Variants in ZFP64 observed in about 807,000 individuals in gnomAD.
ZFP64 encodes ZFP64 zinc finger protein, also known as zinc finger protein 64.
Under a neutral mutation model 51.6 loss-of-function variants are expected in ZFP64, and 14 were observed. The observed-to-expected ratio is 0.27, with a 90% CI of 0.18 to 0.42. The LOEUF (loss-of-function observed/expected upper bound fraction) is 0.42, where lower values mean the gene tolerates loss of function less well. Among genes scored for constraint, ZFP64 ranks in the 10% least tolerant of loss-of-function variants. The probability of loss-of-function intolerance (pLI) is 1.00; values close to 1 mark genes in which losing one functional copy is unlikely to be tolerated. For missense variants in ZFP64, 754 were observed against 906.8 expected (o/e 0.83, Z 2.16); for synonymous variants, 375 against 361.4 (o/e 1.04, Z -0.43).
chr20:52,129,748 A>G (rs906476054), intron 5 of ZFP64, among the ~76,000 whole-genome samples: 13 of 152,004 alleles, frequency 8.6e-5, no homozygotes, highest in Admixed American at 6.5e-4. Context: ...GTGCCTCTGT[A>G]TCCCATTAAA....
intron 2 of ZFP64, among the ~76,000 whole-genome samples, chr20:52,171,651 G>A (rs138513773): frequency 6.6e-6 from 1 of 151,932 alleles, no homozygotes; most frequent in African/African-American, 2.4e-5. Context: ...CACCACACCT[G>A]GCTAATTTTT....
chr20:52,146,807 C>T (rs1980552284), downstream of ZFP64, among the ~76,000 whole-genome samples: 1 of 152,154 alleles, frequency 6.6e-6, no homozygotes, highest in Non-Finnish European at 1.5e-5. Flanking sequence ...GACCAAAATG[C>T]TCTTATGTAG....
intron 3 of ZFP64, chr20:52,165,009 C>A: frequency 1.6e-6 from 1 of 626,246 alleles, no homozygotes; most frequent in Non-Finnish European, 3.0e-6. Flanking sequence ...GCCCTTTTGA[C>A]AAAAATCACT....
chr20:52,127,327 G>A (rs1243672657), intron 5 of ZFP64, among the ~76,000 whole-genome samples: 4 of 151,772 alleles, frequency 2.6e-5, no homozygotes, highest in African/African-American at 9.7e-5. Context: ...TTTAAAGGAA[G>A]TGATATGGTT....
intron 2 of ZFP64, among the ~76,000 whole-genome samples, chr20:52,169,270 A>G (rs938345230): frequency 2.6e-5 from 4 of 152,188 alleles, no homozygotes; most frequent in Non-Finnish European, 4.4e-5. Flanking sequence ...TTGTGCATCA[A>G]ACTCTCAACT....
chr20:52,104,218 C>A (rs2079084687), intron 5 of ZFP64, among the ~76,000 whole-genome samples: 1 of 152,232 alleles, frequency 6.6e-6, no homozygotes, highest in Admixed American at 6.5e-5. Context: ...ATTCCCCAAC[C>A]CCACCCCTGA....
In ZFP64 at chr20:52,142,309, A is replaced by C. The variant is rs145401691; in HGVS notation, c.763+17814T>G. ...CTTGAACTCGGGCGGCGGAGGTTGCAGTGAGCCGAGATTACGCCACTGCAC... is the reference window on the plus strand; with the variant it reads ...CTTGAACTCGGGCGGCGGAGGTTGCCGTGAGCCGAGATTACGCCACTGCAC... On this transcript the variant is annotated intron_variant, in intron 5 of 8. Coordinates refer to the ZFP64 transcript ENST00000361387. 6.8e-3 allele frequency among the ~76,000 whole-genome samples: 1,036 copies of C among 151,288 alleles called. 14 individuals are homozygous for C. The highest frequency in any genetic ancestry group is 0.024 in the African/African-American group (986 of 41,196).
chr20:52,108,879 C>G (rs1978397668), intron 5 of ZFP64, among the ~76,000 whole-genome samples: 3 of 151,598 alleles, frequency 2.0e-5, no homozygotes, highest in African/African-American at 7.3e-5. Context: ...CACACACACA[C>G]ACACACACAC....
chr20:52,189,071 C>A (rs1984184144), intron 1 of ZFP64, among the ~76,000 whole-genome samples: 1 of 152,074 alleles, frequency 6.6e-6, no homozygotes, highest in Non-Finnish European at 1.5e-5. Context: ...CTCTGCCTAC[C>A]ATGAATATTA....
chr20:52,096,882 C>T (rs2078994329), intron 7 of ZFP64: 1 of 351,170 alleles, frequency 2.8e-6, no homozygotes, highest in East Asian at 7.4e-5. Flanking sequence ...GAGCAGGACT[C>T]TGTCTCAGAG....
rs569353530 is a variant in ZFP64 at position 52,094,518 on chromosome 20, T to C, written c.976+2855A>G. On this transcript the variant is annotated intron_variant, in intron 7 of 8. Coordinates refer to the ZFP64 transcript ENST00000361387. ...GCTCACGCCTGTAATCCCAGCACTT[T>C]GGAAGGCCGAGGCAGGAAGATCACT... Among the ~76,000 whole-genome samples the C allele has an allele frequency of 3.9e-5, 6 of 152,334 alleles. No homozygotes were observed. In the South Asian group the frequency reaches 1.2e-3, roughly 32 times the overall value.
chr20:52,169,658 TA>T (rs1982556037), intron 2 of ZFP64, among the ~76,000 whole-genome samples: 5 of 152,270 alleles, frequency 3.3e-5, no homozygotes, highest in African/African-American at 1.2e-4. Context: ...GTATTTTGGA[TA>T]TCAACCCCTT....
Position 52,085,162 on chromosome 20 carries a change from C to T in ZFP64, c.1333G>A (p.Glu445Lys), listed in dbSNP as rs2078851239. The change falls in exon 9 of 9, where the codon GAG becomes AAG. Residue 445 changes from glutamate (E) to lysine (K), a missense_variant. Coordinates refer to the ZFP64 transcript ENST00000361387. The surrounding 1 kb of genome is among the most constrained non-coding windows in gnomAD (Gnocchi z 4.3). ...ATGGTGCAGCGGACGTCGCAGAACT[C>T]GCACTTGAAAGGCTTCTCCCCCGAG... 1.2e-6 allele frequency: 2 copies of T among 1,614,234 alleles called. No individual in the cohort carries two copies. The highest frequency in any genetic ancestry group is 1.7e-5 in the Admixed American group (1 of 60,030).
At chr20:52,105,373 G>A (rs1441663833) in intron 5 of ZFP64, 3 of 1,238,218 alleles carry the variant, frequency 2.4e-6, no homozygotes, top group African/African-American at 1.6e-5. Context: ...CGAGCAGGGC[G>A]ATTTATCAAG....
chr20:52,092,480 A>G (rs2078938723), intron 7 of ZFP64, among the ~76,000 whole-genome samples: 1 of 152,240 alleles, frequency 6.6e-6, no homozygotes, highest in African/African-American at 2.4e-5. Context: ...AGAACTTTAT[A>G]CCCCAATAAA....
intron 5 of ZFP64, among the ~76,000 whole-genome samples, chr20:52,103,047 T>C (rs1003488618): frequency 2.6e-5 from 4 of 151,934 alleles, no homozygotes; most frequent in Non-Finnish European, 5.9e-5. Flanking sequence ...TTCTTTTACG[T>C]TTAGACACCC....
chr20:52,155,275 A>T (rs1218267659), intron 5 of ZFP64, among the ~76,000 whole-genome samples: 1 of 152,200 alleles, frequency 6.6e-6, no homozygotes, highest in East Asian at 1.9e-4. Context: ...ACAACTTTAC[A>T]TGCACTGTTA....
At position 52,170,455 on chromosome 20, in the gene ZFP64, G is replaced by T. The variant is rs557492081; in HGVS notation, c.287-4430C>A. 1.1e-3 allele frequency among the ~76,000 whole-genome samples: 172 copies of T among 149,572 alleles called. 1 individual carries two copies. Among genetic ancestry groups the T allele is most frequent in the Non-Finnish European group, 2.0e-3 (137 of 67,214 alleles). On this transcript the variant is annotated intron_variant, in intron 2 of 5. Coordinates refer to ENST00000216923, the MANE Select transcript of ZFP64 (RefSeq NM_018197.3). Reference sequence around the variant, plus strand: ...TGACAGAGGGAGACTCCATCTCAAGGAAAAAAAAACAAAACCCAACAGCAA... The same window carrying T: ...TGACAGAGGGAGACTCCATCTCAAGTAAAAAAAAACAAAACCCAACAGCAA...
chr20:52,105,346 C>T, intron 5 of ZFP64: 14 of 1,245,700 alleles, frequency 1.1e-5, no homozygotes, highest in Non-Finnish European at 1.4e-5. Context: ...CATGTCCCGG[C>T]AATTCTGCTC....
Sources: gnomAD v4.1 joint callset for allele counts (sites outside exome capture counted in the v4.1 genomes callset) on GRCh38, gnomAD v4.1.1 for gene constraint, Gnocchi (gnomAD v3.1) non-coding constraint, MANE v1.5 for transcripts, NCBI Gene and HGNC (gene_info 2026-07-23, HGNC 2026-07-21) for gene names.